SOX6: variants seen among roughly 807,000 people sequenced by gnomAD.
SOX6 encodes SRY-box transcription factor 6.
In SOX6, 11 loss-of-function variants were observed where a neutral mutation model predicts 97.8. The observed-to-expected ratio is 0.11, with a 90% CI of 0.07 to 0.19. The LOEUF (loss-of-function observed/expected upper bound fraction) is 0.19. Ranked by LOEUF, SOX6 falls within the 10% of genes least tolerant of loss-of-function variation. The probability of loss-of-function intolerance (pLI) is 1.00; values close to 1 mark genes in which losing one functional copy is unlikely to be tolerated. For synonymous variants in SOX6, 360 were observed against 371.4 expected (o/e 0.97, Z 0.35); for missense variants, 810 against 1,039.5 (o/e 0.78, Z 3.04).
intron 4 of SOX6, among the ~76,000 whole-genome samples, chr11:16,493,539 A>ACTTCTTAACCTGGGTTCTTAAG (rs1860543439): frequency 6.6e-6 from 1 of 152,198 alleles, no homozygotes; most frequent in Non-Finnish European, 1.5e-5. Flanking sequence ...CGGGTAATAT[A>ACTTCTTAACCTGGGTTCTTAAG]AACATTCTAC....
At chr11:16,132,444 AAAAGAAAGAAAGAAAGAAAGAAAG>A (rs59652288) in intron 6 of SOX6, among the ~76,000 whole-genome samples, 14 of 27,242 alleles carry the variant, frequency 5.1e-4, no homozygotes, top group African/African-American at 2.2e-3. Context: ...AAAGAAAGAA[AAAAGAAAGAAAGAAAGAAAGAAAG>A]AAAGAAAGAA....
upstream of SOX6, among the ~76,000 whole-genome samples, chr11:16,477,725 G>A (rs1291471362): frequency 6.6e-6 from 1 of 152,164 alleles, no homozygotes; most frequent in Admixed American, 6.5e-5. Flanking sequence ...ATTGATAGAT[G>A]ATAAAGGTGT....
chr11:16,047,688 A>G (rs1383159183), intron 11 of SOX6, among the ~76,000 whole-genome samples: 2 of 149,140 alleles, frequency 1.3e-5, no homozygotes, highest in Non-Finnish European at 3.0e-5. Context: ...GGGCTCGTAT[A>G]ATCATTTCAT....
intron 1 of SOX6, among the ~76,000 whole-genome samples, chr11:16,466,929 T>A (rs1590214390): frequency 5.8e-5 from 2 of 34,318 alleles, no homozygotes; most frequent in Non-Finnish European, 9.0e-5. Flanking sequence ...AGACTCCGTC[T>A]CAAAAAAAAA....
chr11:16,557,156 G>T (rs1033227803), intron 4 of SOX6, among the ~76,000 whole-genome samples: 1 of 151,794 alleles, frequency 6.6e-6, no homozygotes. Context: ...TTAAATACTG[G>T]AAAATGTTAT....
chr11:16,419,411 G>T (rs1264617450), intron 1 of SOX6, among the ~76,000 whole-genome samples: 1 of 151,608 alleles, frequency 6.6e-6, no homozygotes, highest in South Asian at 2.1e-4. Context: ...TTCTCCTTTA[G>T]GGCAGTATTT....
chr11:16,157,075 A>G (rs766048442), intron 6 of SOX6, among the ~76,000 whole-genome samples: 30 of 152,016 alleles, frequency 2.0e-4, no homozygotes, highest in Non-Finnish European at 3.8e-4. Flanking sequence ...AGAGGTGTCA[A>G]CTGTCAACCA....
chr11:16,078,514 A>G (rs1848405857), intron 9 of SOX6, among the ~76,000 whole-genome samples: 1 of 152,166 alleles, frequency 6.6e-6, no homozygotes, highest in African/African-American at 2.4e-5. Context: ...ATTTCTTAGT[A>G]AACAAAAGGT....
At chr11:16,700,346 G>T (rs11024015) in intron 3 of SOX6, among the ~76,000 whole-genome samples, 24,770 of 152,170 alleles carry the variant, frequency 0.16, 2,666 homozygotes, top group East Asian at 0.32. Context: ...CTGGAGAGAA[G>T]GAAAAGGAGC....
At chr11:16,578,154 AC>A (rs1481258918) in intron 4 of SOX6, among the ~76,000 whole-genome samples, 1 of 152,116 alleles carries the variant, frequency 6.6e-6, no homozygotes, top group Non-Finnish European at 1.5e-5. Context: ...TTGTCTTGGC[AC>A]CATTTTTTGA....
intron 6 of SOX6, among the ~76,000 whole-genome samples, chr11:16,136,230 G>C (rs1438824036): frequency 6.6e-6 from 1 of 151,864 alleles, no homozygotes; most frequent in East Asian, 1.9e-4. Flanking sequence ...ATGTTGGCCA[G>C]GATGGTCTCG....
intron 4 of SOX6, among the ~76,000 whole-genome samples, chr11:16,500,527 G>C (rs1477653640): frequency 6.6e-6 from 1 of 152,166 alleles, no homozygotes; most frequent in Non-Finnish European, 1.5e-5. Flanking sequence ...GATTGTCCCT[G>C]TTTGCAGATG....
chr11:16,728,449 G>A (rs1848324091), intron 2 of SOX6, among the ~76,000 whole-genome samples: 1 of 152,182 alleles, frequency 6.6e-6, no homozygotes, highest in South Asian at 2.1e-4. Flanking sequence ...GGTCTGGAGT[G>A]GACCTCCAGC....
intron 15 of SOX6, among the ~76,000 whole-genome samples, chr11:15,974,587 G>A (rs1853415886): frequency 7.7e-6 from 1 of 130,050 alleles, no homozygotes; most frequent in African/African-American, 3.1e-5. Flanking sequence ...TCCCCTTCCT[G>A]TGTCCATGTG....
chr11:16,672,020 G>A (rs934358682), intron 3 of SOX6, among the ~76,000 whole-genome samples: 18 of 152,246 alleles, frequency 1.2e-4, no homozygotes, highest in East Asian at 5.8e-4. Flanking sequence ...AAAAATCTTC[G>A]ACCAAGAATT....
chr11:15,975,183 T>C (rs777793420), intron 15 of SOX6, among the ~76,000 whole-genome samples: 7 of 152,208 alleles, frequency 4.6e-5, no homozygotes, highest in Non-Finnish European at 7.3e-5. Context: ...GGAATCTAAA[T>C]CTATGTATAG....
At chr11:16,289,838 ACGT>A (rs2134256454) in intron 3 of SOX6, among the ~76,000 whole-genome samples, 1 of 152,140 alleles carries the variant, frequency 6.6e-6, no homozygotes, top group South Asian at 2.1e-4. Flanking sequence ...TACAATGGCT[ACGT>A]CACAAAGAAT....
intron 4 of SOX6, among the ~76,000 whole-genome samples, chr11:16,509,500 C>CT (rs1217462446): frequency 6.6e-6 from 1 of 151,866 alleles, no homozygotes; most frequent in African/African-American, 2.4e-5. Context: ...ATGGAAACAC[C>CT]TTTAATATAA....
intron 1 of SOX6, among the ~76,000 whole-genome samples, chr11:16,440,768 G>C (rs141348975): frequency 6.6e-6 from 1 of 152,016 alleles, no homozygotes; most frequent in Non-Finnish European, 1.5e-5. Flanking sequence ...GGATTAAAAA[G>C]AAAAATGTAA....
Sources: allele counts gnomAD v4.1 joint callset (sites outside exome capture counted in the v4.1 genomes callset), GRCh38; gene constraint gnomAD v4.1.1; transcripts MANE v1.5; gene names NCBI Gene and HGNC (gene_info 2026-07-23, HGNC 2026-07-21).